Variants in COL23A1 observed in about 807,000 individuals in gnomAD.
COL23A1 encodes the protein collagen type XXIII alpha 1 chain, also known as collagen alpha-1(XXIII) chain.
COL23A1 carries 97 observed loss-of-function variants against 99.3 expected under a neutral mutation model. That is an observed-to-expected ratio of 0.98 (90% CI 0.83 to 1.16). The LOEUF is 1.16. COL23A1 is among the 50% of genes most tolerant of loss of function. The probability of loss-of-function intolerance (pLI) is 0.00; values close to 1 mark genes in which losing one functional copy is unlikely to be tolerated. For synonymous variants in COL23A1, 320 were observed against 308.2 expected (o/e 1.04, Z -0.40); for missense variants, 762 against 757.4 (o/e 1.01, Z -0.07).
At chr5:178,467,433 C>T (rs1323528627) in intron 2 of COL23A1, among the ~76,000 whole-genome samples, 2 of 152,214 alleles carry the variant, frequency 1.3e-5, no homozygotes, top group Admixed American at 1.3e-4. Context: ...CTACCCCACT[C>T]CCTGCCTTAG....
chr5:178,346,551 G>A, intron 2 of COL23A1, among the ~76,000 whole-genome samples: 1 of 152,098 alleles, frequency 6.6e-6, no homozygotes, highest in South Asian at 2.1e-4. Flanking sequence ...TTGATCTTTT[G>A]AAGTTAAACA....
chr5:178,429,065 T>C (rs1427520137), intron 2 of COL23A1, among the ~76,000 whole-genome samples: 1 of 152,068 alleles, frequency 6.6e-6, no homozygotes, highest in Admixed American at 6.5e-5. Flanking sequence ...GTAAACCAGG[T>C]GCGGGGAGGG....
rs1224649415 is a variant in COL23A1, at chr5:178,265,585, T to G, written c.522+1722A>C. The G allele has an allele frequency of 3.8e-6, 3 of 783,270 alleles. No individual in the cohort carries two copies. In the Admixed American group the frequency reaches 1.9e-4, roughly 49 times the overall value. 48.5% of individuals were successfully genotyped at this position (783,270 alleles called of 1,614,324 possible). On this transcript the variant is annotated intron_variant, in intron 8 of 28. Coordinates refer to ENST00000390654, the MANE Select transcript of COL23A1 (RefSeq NM_173465.4). ...GGATTGGATGGCTGAGGTCTAACCC[T>G]GCAAACGTGGGGTGAGTTGGGGGTA...
intron 2 of COL23A1, among the ~76,000 whole-genome samples, chr5:178,403,794 A>C (rs1213397284): frequency 6.6e-6 from 1 of 152,258 alleles, no homozygotes; most frequent in Admixed American, 6.5e-5. Flanking sequence ...AAAGGAAAGA[A>C]AAGAACAAAT....
rs74292787 is a variant in COL23A1, at chr5:178,426,707, G to A, written c.362-119788C>T. Among the ~76,000 whole-genome samples the A allele has an allele frequency of 2.6e-3, 397 of 152,296 alleles. 4 individuals are homozygous for A. The East Asian group carries it at 0.038, about 15-fold the overall frequency. On this transcript the variant is annotated intron_variant, in intron 2 of 28. Transcript: ENST00000390654. ...AGCCGCAGAGAGAGAGAAAATATTT[G>A]CAAAAGGCACATCTGATAAAGGACT...
At chr5:178,361,690 C>A (rs181928064) in intron 2 of COL23A1, among the ~76,000 whole-genome samples, 1 of 152,292 alleles carries the variant, frequency 6.6e-6, no homozygotes, top group East Asian at 1.9e-4. Flanking sequence ...CCTGACGGCT[C>A]CCAATTCTTC....
At chr5:178,336,330 C>G (rs954469503) in intron 2 of COL23A1, among the ~76,000 whole-genome samples, 2 of 152,224 alleles carry the variant, frequency 1.3e-5, no homozygotes, top group African/African-American at 4.8e-5. Flanking sequence ...AAGGCAGAAA[C>G]AACCCAGATG....
intron 2 of COL23A1, among the ~76,000 whole-genome samples, chr5:178,485,677 G>A (rs1470969682): frequency 1.3e-5 from 2 of 151,634 alleles, no homozygotes; most frequent in African/African-American, 4.9e-5. Flanking sequence ...CTACTCGGGA[G>A]GCTGAGAGGC....
At chr5:178,349,770 C>G (rs1178193018) in intron 2 of COL23A1, among the ~76,000 whole-genome samples, 1 of 152,226 alleles carries the variant, frequency 6.6e-6, no homozygotes, top group East Asian at 1.9e-4. Flanking sequence ...CCAGGCTCCT[C>G]CTTGCAGGGG....
chr5:178,316,314 A>G (rs1439713176), intron 2 of COL23A1, among the ~76,000 whole-genome samples: 1 of 152,218 alleles, frequency 6.6e-6, no homozygotes, highest in Non-Finnish European at 1.5e-5. Flanking sequence ...ATATAATGTA[A>G]CCTGTCTAGA....
chr5:178,505,090 G>A (rs1189563550), intron 2 of COL23A1, among the ~76,000 whole-genome samples: 1 of 152,162 alleles, frequency 6.6e-6, no homozygotes, highest in Admixed American at 6.5e-5. Flanking sequence ...CATCAGAGGG[G>A]TTAATTCCTC....
intron 2 of COL23A1, among the ~76,000 whole-genome samples, chr5:178,324,079 CA>C (rs1169568389): frequency 6.6e-6 from 1 of 152,098 alleles, no homozygotes; most frequent in African/African-American, 2.4e-5. Context: ...GCCCTGGACA[CA>C]AGCAGCTCCT....
intron 2 of COL23A1, among the ~76,000 whole-genome samples, chr5:178,339,974 C>T (rs1178940268): frequency 6.6e-6 from 1 of 151,970 alleles, no homozygotes; most frequent in Non-Finnish European, 1.5e-5. Flanking sequence ...GCAACAATGA[C>T]TTATGATTAG....
rs534995892 is a variant in COL23A1, at chr5:178,440,695, A to G, written c.361+119987T>C. Among the ~76,000 whole-genome samples the G allele has an allele frequency of 3.5e-5, 5 of 144,302 alleles. No homozygotes were observed. In the South Asian group the frequency reaches 1.1e-3, roughly 33 times the overall value. 94.7% of individuals were successfully genotyped at this position (144,302 alleles called of 152,430 possible). ...CAGTGGTGAGATCTCGGCTCACTGT[A>G]ACCTCTGCCTCCCAGGTTCAAGCGA... On this transcript the variant is annotated intron_variant, in intron 2 of 28. Coordinates refer to ENST00000390654, the MANE Select transcript of COL23A1 (RefSeq NM_173465.4).
At chr5:178,326,046 A>C (rs913759242) in intron 2 of COL23A1, among the ~76,000 whole-genome samples, 14 of 152,210 alleles carry the variant, frequency 9.2e-5, no homozygotes, top group Admixed American at 5.2e-4. Context: ...GGAGCACCCG[A>C]GACCCCAGAT....
chr5:178,419,737 C>T (rs918238742), intron 2 of COL23A1, among the ~76,000 whole-genome samples: 4 of 152,202 alleles, frequency 2.6e-5, no homozygotes, highest in African/African-American at 9.7e-5. Flanking sequence ...GCTTAATAGG[C>T]AGGCAAAACT....
chr5:178,437,223 A>G (rs1766608508), intron 2 of COL23A1, among the ~76,000 whole-genome samples: 1 of 152,152 alleles, frequency 6.6e-6, no homozygotes, highest in Admixed American at 6.5e-5. Context: ...AAAACATACA[A>G]TACACAGCCC....
intron 2 of COL23A1, among the ~76,000 whole-genome samples, chr5:178,420,187 G>T (rs993708485): frequency 1.3e-5 from 2 of 152,172 alleles, no homozygotes; most frequent in African/African-American, 4.8e-5. Context: ...ACACGGCTTA[G>T]GGAAAGCATA....
intron 2 of COL23A1, among the ~76,000 whole-genome samples, chr5:178,331,661 A>G (rs73804801): frequency 0.026 from 3,923 of 152,222 alleles, 51 homozygotes; most frequent in South Asian, 0.051. Flanking sequence ...GCCTGAGTTT[A>G]GACACATGCG....
Sources: gnomAD v4.1 joint callset for allele counts (sites outside exome capture counted in the v4.1 genomes callset) on GRCh38, gnomAD v4.1.1 for gene constraint, MANE v1.5 for transcripts, NCBI Gene and HGNC (gene_info 2026-07-23, HGNC 2026-07-21) for gene names.